The following DPP6 variants were observed in gnomAD, a reference collection of about 807,000 sequenced individuals.
DPP6 encodes the protein dipeptidyl peptidase like 6, also known as A-type potassium channel modulatory protein DPP6.
Under a neutral mutation model 122.6 loss-of-function variants are expected in DPP6, and 69 were observed. The observed-to-expected ratio is 0.56, with a 90% confidence interval of 0.46 to 0.69. The LOEUF (loss-of-function observed/expected upper bound fraction) is 0.69, where lower values mean the gene tolerates loss of function less well. DPP6 is among the 30% of genes least tolerant of loss of function. DPP6 has a pLI of 0.00. For synonymous variants in DPP6, 418 were observed against 433.1 expected (o/e 0.97, Z 0.43); for missense variants, 928 against 1,116.9 (o/e 0.83, Z 2.41).
intron 1 of DPP6, among the ~76,000 whole-genome samples, chr7:153,984,154 TCA>T (rs1196014727): frequency 1.5e-4 from 23 of 150,804 alleles, no homozygotes; most frequent in Admixed American, 1.5e-3. Context: ...TGAATATCAC[TCA>T]CACAGCAAAT....
At chr7:154,593,391 A>G (rs1832914363) in intron 5 of DPP6, among the ~76,000 whole-genome samples, 1 of 152,174 alleles carries the variant, frequency 6.6e-6, no homozygotes, top group South Asian at 2.1e-4. Context: ...TTTCTTTTCT[A>G]CGAATCTTTG....
chr7:154,556,581 T>C (rs1830060192), intron 4 of DPP6, among the ~76,000 whole-genome samples: 2 of 152,180 alleles, frequency 1.3e-5, no homozygotes, highest in South Asian at 4.1e-4. Context: ...TTTTTAAAAG[T>C]CTATAATTTG....
At chr7:153,968,110 A>G (rs2129032077) in intron 1 of DPP6, among the ~76,000 whole-genome samples, 1 of 149,666 alleles carries the variant, frequency 6.7e-6, no homozygotes, top group Non-Finnish European at 1.5e-5. Flanking sequence ...TGGTATTTCA[A>G]CTCTTAGTTC....
chr7:154,626,291 T>C (rs1180681722), intron 5 of DPP6, among the ~76,000 whole-genome samples: 1 of 152,224 alleles, frequency 6.6e-6, no homozygotes, highest in Non-Finnish European at 1.5e-5. Flanking sequence ...ACTCAGCTAT[T>C]TCTGGATGTC....
intron 1 of DPP6, among the ~76,000 whole-genome samples, chr7:154,371,393 AAAAAAAAAAAAG>A (rs1241332650): frequency 7.1e-6 from 1 of 141,304 alleles, no homozygotes; most frequent in African/African-American, 3.1e-5. Flanking sequence ...AAAAAAAAAA[AAAAAAAAAAAAG>A]AAAGAAAGAA....
the DPP6 span, among the ~76,000 whole-genome samples, chr7:153,862,752 C>T: frequency 1.3e-5 from 2 of 151,918 alleles, no homozygotes; most frequent in Non-Finnish European, 2.9e-5. Flanking sequence ...TCCATTATCT[C>T]AATAAAAGTC....
At chr7:154,825,143 T>C (rs1483883239) in intron 16 of DPP6, among the ~76,000 whole-genome samples, 2 of 152,204 alleles carry the variant, frequency 1.3e-5, no homozygotes, top group East Asian at 3.8e-4. Flanking sequence ...ATATACCAGA[T>C]GGCCAAAGAG....
At chr7:154,717,788 A>G (rs896626796) in intron 7 of DPP6, among the ~76,000 whole-genome samples, 3 of 152,152 alleles carry the variant, frequency 2.0e-5, no homozygotes, top group African/African-American at 7.2e-5. Flanking sequence ...GCTGGATCAT[A>G]TAGTAGCTCT....
At chr7:154,015,780 A>G (rs1239485932) in intron 1 of DPP6, among the ~76,000 whole-genome samples, 1 of 152,066 alleles carries the variant, frequency 6.6e-6, no homozygotes, top group African/African-American at 2.4e-5. Context: ...TCTCACTGGA[A>G]TCTCTGAAGT....
intron 1 of DPP6, among the ~76,000 whole-genome samples, chr7:154,074,082 G>T (rs56202920): frequency 1.3e-4 from 19 of 151,158 alleles, no homozygotes; most frequent in African/African-American, 2.2e-4. Flanking sequence ...TATAGAGAGA[G>T]ATATATAGAG....
chr7:154,391,424 C>G (rs78569777), intron 1 of DPP6, among the ~76,000 whole-genome samples: 8,477 of 152,296 alleles, frequency 0.056, 753 homozygotes, highest in African/African-American at 0.19. Flanking sequence ...CTCCTAATCC[C>G]CTACTTGGCG....
the DPP6 span, among the ~76,000 whole-genome samples, chr7:153,878,882 C>T: frequency 1.3e-5 from 2 of 149,636 alleles, no homozygotes; most frequent in Non-Finnish European, 1.5e-5. Context: ...TAAGTGTGTA[C>T]CAAGATTGAA....
At chr7:154,088,744 C>T (rs1240176574) in intron 1 of DPP6, among the ~76,000 whole-genome samples, 2 of 151,710 alleles carry the variant, frequency 1.3e-5, no homozygotes. Flanking sequence ...GCACTGTGCT[C>T]AGTTCTAGGA....
the DPP6 span, among the ~76,000 whole-genome samples, chr7:153,867,956 T>C: frequency 9.1e-4 from 138 of 152,376 alleles, no homozygotes; most frequent in African/African-American, 3.1e-3. Flanking sequence ...ATTACGTTTA[T>C]TGATTTTCGT....
intron 8 of DPP6, among the ~76,000 whole-genome samples, chr7:154,764,057 G>A (rs1795746535): frequency 6.6e-6 from 1 of 152,104 alleles, no homozygotes; most frequent in South Asian, 2.1e-4. Flanking sequence ...CTATGCCCTG[G>A]GCACTGCATC....
intron 6 of DPP6, among the ~76,000 whole-genome samples, chr7:154,666,224 T>TACATACAG (rs1428882201): frequency 5.3e-5 from 8 of 151,224 alleles, no homozygotes; most frequent in Non-Finnish European, 1.2e-4. Context: ...CATACATACA[T>TACATACAG]ACATACATAC....
At chr7:153,830,004 T>C in the DPP6 span, among the ~76,000 whole-genome samples, 1 of 152,214 alleles carries the variant, frequency 6.6e-6, no homozygotes, top group African/African-American at 2.4e-5. Context: ...GAGAAGCTAA[T>C]TGGGGCATGG....
chr7:153,763,488 A>T, the DPP6 span, among the ~76,000 whole-genome samples: 1 of 152,064 alleles, frequency 6.6e-6, no homozygotes, highest in Admixed American at 6.6e-5. Context: ...CCAGAACTGA[A>T]TTTGTCAGAA....
intron 16 of DPP6, among the ~76,000 whole-genome samples, chr7:154,835,610 A>G (rs1034546568): frequency 1.3e-5 from 2 of 152,176 alleles, no homozygotes; most frequent in African/African-American, 4.8e-5. Flanking sequence ...TGTTAGAGAC[A>G]CACATTCTCA....
Sources: allele counts gnomAD v4.1 joint callset (sites outside exome capture counted in the v4.1 genomes callset), GRCh38; gene constraint gnomAD v4.1.1; transcripts MANE v1.5; gene names NCBI Gene and HGNC (gene_info 2026-07-23, HGNC 2026-07-21).